The following SDK1 variants were observed in gnomAD, a reference collection of about 807,000 sequenced individuals.
The protein encoded by SDK1 is protein sidekick-1.
SDK1 carries 157 observed loss-of-function variants against 245.5 expected under a neutral mutation model. The observed-to-expected ratio is 0.64, with a 90% CI of 0.56 to 0.73. The LOEUF is 0.73. Ranked by LOEUF, SDK1 falls within the 30% of genes least tolerant of loss-of-function variation. SDK1 has a pLI of 0.00. For synonymous variants in SDK1, 1,647 were observed against 1,278.5 expected (o/e 1.29, Z -6.15); for missense variants, 3,583 against 3,002.3 (o/e 1.19, Z -4.52).
intron 1 of SDK1, among the ~76,000 whole-genome samples, chr7:3,352,563 A>ACGTAAG (rs1780688216): frequency 6.6e-6 from 1 of 151,860 alleles, no homozygotes; most frequent in South Asian, 2.1e-4. Context: ...TTCTTTGGCC[A>ACGTAAG]GACACCTAAG....
intron 44 of SDK1, among the ~76,000 whole-genome samples, chr7:4,257,702 A>G (rs896896401): frequency 3.3e-5 from 5 of 152,210 alleles, no homozygotes; most frequent in African/African-American, 4.8e-5. Flanking sequence ...TTCTTTCTGT[A>G]CAATGGTTAT....
intron 1 of SDK1, among the ~76,000 whole-genome samples, chr7:3,594,414 T>C (rs184768799): frequency 5.3e-5 from 8 of 152,346 alleles, no homozygotes; most frequent in Non-Finnish European, 8.8e-5. Flanking sequence ...CTATGAGCAT[T>C]GATAATACAA....
intron 4 of SDK1, among the ~76,000 whole-genome samples, chr7:3,698,226 A>C (rs568307415): frequency 2.9e-4 from 44 of 152,332 alleles, no homozygotes; most frequent in Non-Finnish European, 5.1e-4. Context: ...CATATTCACA[A>C]ACCCCCAAGC....
At chr7:3,417,672 T>C (rs1451415275) in intron 1 of SDK1, among the ~76,000 whole-genome samples, 5 of 152,200 alleles carry the variant, frequency 3.3e-5, no homozygotes, top group African/African-American at 9.7e-5. Context: ...TTTGTTGCCT[T>C]TCTAGATTTT....
intron 1 of SDK1, among the ~76,000 whole-genome samples, chr7:3,613,300 C>T (rs1239220598): frequency 6.6e-5 from 10 of 152,100 alleles, no homozygotes; most frequent in Admixed American, 5.9e-4. Context: ...GTCATGGTCC[C>T]TTTCTAGATG....
At chr7:3,778,300 C>G (rs1583404368) in intron 4 of SDK1, among the ~76,000 whole-genome samples, 1 of 152,174 alleles carries the variant, frequency 6.6e-6, no homozygotes, top group East Asian at 1.9e-4. Context: ...AATATCTCAG[C>G]ATGAAAAAGC....
chr7:3,366,803 G>C (rs11982696), intron 1 of SDK1, among the ~76,000 whole-genome samples: 1 of 151,904 alleles, frequency 6.6e-6, no homozygotes, highest in Non-Finnish European at 1.5e-5. Context: ...GTGCAGTGGC[G>C]TGATCTCAGC....
At chr7:3,849,434 G>A (rs1780365737) in intron 5 of SDK1, among the ~76,000 whole-genome samples, 1 of 152,186 alleles carries the variant, frequency 6.6e-6, no homozygotes, top group Non-Finnish European at 1.5e-5. Context: ...GTTTCTAATG[G>A]CAAGAAATTA....
chr7:3,527,596 A>C (rs1783186912), intron 1 of SDK1, among the ~76,000 whole-genome samples: 1 of 151,966 alleles, frequency 6.6e-6, no homozygotes, highest in Non-Finnish European at 1.5e-5. Context: ...TTAGAGGGTG[A>C]GTGGTAGGAG....
chr7:3,923,453 G>T (rs1779662681), intron 5 of SDK1, among the ~76,000 whole-genome samples: 1 of 152,158 alleles, frequency 6.6e-6, no homozygotes, highest in Admixed American at 6.5e-5. Context: ...GAAGTTGCCC[G>T]GGCTCTACTC....
chr7:4,237,315 C>T lies in SDK1; in HGVS notation c.5993-332C>T, dbSNP rs570918377. ...ATTAAGAGAAAGCAAGCAGGAAGGG[C>T]GGTTTTGATGGGCAAGGTCAGGGCA... On this transcript the variant is annotated intron_variant, in intron 41 of 44. Coordinates refer to ENST00000404826, the MANE Select transcript of SDK1 (RefSeq NM_152744.4). 1.2e-4 allele frequency among the ~76,000 whole-genome samples: 18 copies of T among 151,966 alleles called. No individual in the cohort carries two copies. The East Asian group carries it at 2.1e-3, about 18-fold the overall frequency.
chr7:4,027,865 A>G (rs1787484443), intron 17 of SDK1, among the ~76,000 whole-genome samples: 1 of 151,894 alleles, frequency 6.6e-6, no homozygotes. Flanking sequence ...GGAGAGGAGA[A>G]GGGGGAGAAG....
intron 1 of SDK1, among the ~76,000 whole-genome samples, chr7:3,575,005 G>T (rs979795478): frequency 7.9e-5 from 12 of 151,988 alleles, no homozygotes; most frequent in African/African-American, 2.9e-4. Context: ...TCCAGTTGCT[G>T]GAATCATCAC....
At chr7:3,339,564 A>G (rs143183421) in intron 1 of SDK1, among the ~76,000 whole-genome samples, 88 of 152,300 alleles carry the variant, frequency 5.8e-4, no homozygotes, top group African/African-American at 2.0e-3. Flanking sequence ...GAAATCCTAC[A>G]GAATTTGTTC....
At chr7:3,346,318 C>T (rs1454984122) in intron 1 of SDK1, among the ~76,000 whole-genome samples, 3 of 152,050 alleles carry the variant, frequency 2.0e-5, no homozygotes, top group African/African-American at 7.2e-5. Context: ...AGAGGTGTCA[C>T]CTGGGCTAGT....
At chr7:3,962,019 G>A (rs745805644) in intron 8 of SDK1, among the ~76,000 whole-genome samples, 12 of 151,674 alleles carry the variant, frequency 7.9e-5, no homozygotes, top group South Asian at 4.2e-4. Flanking sequence ...ATGTAAACAC[G>A]TAGACACATG....
At chr7:3,414,732 G>C (rs1047869391) in intron 1 of SDK1, among the ~76,000 whole-genome samples, 4 of 152,136 alleles carry the variant, frequency 2.6e-5, no homozygotes, top group Non-Finnish European at 5.9e-5. Flanking sequence ...GCGCTCACTA[G>C]CAATTCCTCC....
At chr7:3,803,273 C>T (rs6975313) in intron 4 of SDK1, among the ~76,000 whole-genome samples, 43,937 of 151,384 alleles carry the variant, frequency 0.29, 8,318 homozygotes, top group African/African-American at 0.54. Flanking sequence ...TTGTTGTACT[C>T]TGCCCATTTT....
At chr7:4,042,703 T>C (rs1032760584) in intron 17 of SDK1, among the ~76,000 whole-genome samples, 10 of 152,168 alleles carry the variant, frequency 6.6e-5, no homozygotes, top group African/African-American at 2.4e-4. Context: ...CCTTTTGCCT[T>C]GACTTTTCTG....
Sources: gnomAD v4.1 joint callset for allele counts (sites outside exome capture counted in the v4.1 genomes callset) on GRCh38, gnomAD v4.1.1 for gene constraint, MANE v1.5 for transcripts, NCBI Gene and HGNC (gene_info 2026-07-23, HGNC 2026-07-21) for gene names.